PPFIA2: variants seen among roughly 807,000 people sequenced by gnomAD.
The protein encoded by PPFIA2 is PPFI scaffold protein A2, also known as liprin-alpha-2.
In PPFIA2, 46 loss-of-function variants were observed where a neutral mutation model predicts 175.5. The observed-to-expected ratio is 0.26, with a 90% CI of 0.21 to 0.34. The LOEUF (loss-of-function observed/expected upper bound fraction) is 0.34. PPFIA2 is among the 10% of genes least tolerant of loss of function. PPFIA2 has a pLI of 1.00. For missense variants in PPFIA2, 1,179 were observed against 1,506.1 expected (o/e 0.78, Z 3.60); for synonymous variants, 568 against 511.4 (o/e 1.11, Z -1.49).
intron 4 of PPFIA2, among the ~76,000 whole-genome samples, chr12:81,600,412 G>A (rs913653262): frequency 3.3e-5 from 5 of 151,780 alleles, no homozygotes; most frequent in African/African-American, 4.8e-5. Context: ...AGCACTCAAT[G>A]ATTATTTTTT....
chr12:81,742,904 C>T lies in PPFIA2; in HGVS notation c.249+11069G>A, dbSNP rs187972777. Among the ~76,000 whole-genome samples, 309 of 152,188 alleles carry T rather than the reference C, an allele frequency of 2.0e-3. 2 individuals carry two copies. The highest frequency in any genetic ancestry group is 7.0e-3 in the African/African-American group (289 of 41,526). On this transcript the variant is annotated intron_variant, in intron 3 of 32. Coordinates refer to ENST00000549396, the MANE Select transcript of PPFIA2 (RefSeq NM_003625.5). ...AAGGGGGATCCACTGTCTAAAGTTG[C>T]TGATAAAGTAAGCATGAATAAAGAC...
chr12:81,649,968 C>T (rs532048194), intron 4 of PPFIA2, among the ~76,000 whole-genome samples: 2 of 152,028 alleles, frequency 1.3e-5, no homozygotes, highest in South Asian at 2.1e-4. Context: ...GATTAAAGAA[C>T]TACATACATT....
At position 81,563,634 on chromosome 12, in the gene PPFIA2, A is replaced by G. The variant is rs1444653313; in HGVS notation, c.304-105768T>C. 2.0e-5 allele frequency among the ~76,000 whole-genome samples: 3 copies of G among 152,228 alleles called. No homozygotes were observed. The East Asian group carries it at 5.8e-4, about 29-fold the overall frequency. On this transcript the variant is annotated intron_variant, in intron 4 of 32. Transcript: ENST00000549396. ...GCATGGAGGTCTGTTGAGAAAACAGACTACAGCTCACCAGAAGAAATCAAC... is the reference window on the plus strand; with the variant it reads ...GCATGGAGGTCTGTTGAGAAAACAGGCTACAGCTCACCAGAAGAAATCAAC...
chr12:81,375,898 A>G lies in PPFIA2; in HGVS notation c.1029T>C (p.Leu343=), dbSNP rs2036249838. 6.2e-7 allele frequency: 1 copy of G among 1,613,374 alleles called. No homozygotes were observed. Among genetic ancestry groups the G allele is most frequent in the African/African-American group, 1.3e-5 (1 of 75,028 alleles). ...KEDMEERITT[L]EKRYLSAQRE... ...TCTGAGCACTGAGGTAACGCTTTTC[A>G]AGGGTTGTAATTCTTTCTTCCATAT... Residue 343 remains leucine (L), a synonymous_variant, in exon 10 of 33, where the codon CTT becomes CTC. Coordinates refer to ENST00000549396, the MANE Select transcript of PPFIA2 (RefSeq NM_003625.5).
At position 81,679,654 on chromosome 12, in the gene PPFIA2, A is replaced by G. The variant is rs2073231399; in HGVS notation, c.250-2810T>C. ...GAATTCATGGCTCTAAATAGTATACAGATGTATATTCTTATCTCTAAATGG... is the reference window on the plus strand; with the variant it reads ...GAATTCATGGCTCTAAATAGTATACGGATGTATATTCTTATCTCTAAATGG... On this transcript the variant is annotated intron_variant, in intron 3 of 32. Transcript: ENST00000549396. Among the ~76,000 whole-genome samples, 4 of 152,104 alleles carry G rather than the reference A, an allele frequency of 2.6e-5. 1 individual carries two copies. The South Asian group carries it at 8.3e-4, about 32-fold the overall frequency.
chr12:81,424,226 A>G (rs1031610522), intron 7 of PPFIA2, among the ~76,000 whole-genome samples: 2 of 152,090 alleles, frequency 1.3e-5, no homozygotes, highest in East Asian at 1.9e-4. Context: ...CACCTATAAA[A>G]TAACTTGGGA....
At chr12:81,624,638 A>G (rs1165687003) in intron 4 of PPFIA2, among the ~76,000 whole-genome samples, 3 of 146,956 alleles carry the variant, frequency 2.0e-5, no homozygotes, top group Non-Finnish European at 4.5e-5. Context: ...TATATATTAT[A>G]TATGTATAAC....
At chr12:81,519,811 T>C (rs1371575789) in intron 4 of PPFIA2, among the ~76,000 whole-genome samples, 2 of 152,220 alleles carry the variant, frequency 1.3e-5, no homozygotes, top group Admixed American at 6.5e-5. Flanking sequence ...CCGTTATCCA[T>C]GGAGGAATAC....
intron 3 of PPFIA2, among the ~76,000 whole-genome samples, chr12:81,716,415 G>T (rs540687855): frequency 6.6e-6 from 1 of 151,128 alleles, no homozygotes; most frequent in East Asian, 1.9e-4. Flanking sequence ...TAAATACTGA[G>T]ATAGTAAAAT....
At chr12:81,276,079 T>C (rs796157912) in intron 28 of PPFIA2, among the ~76,000 whole-genome samples, 19 of 152,302 alleles carry the variant, frequency 1.2e-4, no homozygotes, top group African/African-American at 4.3e-4. Flanking sequence ...CCACAGCACC[T>C]GGCCTTTTTC....
intron 4 of PPFIA2, among the ~76,000 whole-genome samples, chr12:81,547,251 A>G (rs1336521479): frequency 2.0e-5 from 3 of 152,204 alleles, no homozygotes; most frequent in Non-Finnish European, 4.4e-5. Flanking sequence ...TTAATTATAC[A>G]TTTTACATAA....
chr12:81,298,227 G>A lies in PPFIA2; in HGVS notation c.2724+1074C>T, dbSNP rs556601482. The A allele has an allele frequency of 6.4e-4, 97 of 152,180 alleles. 1 individual carries two copies. The highest frequency in any genetic ancestry group is 2.2e-3 in the African/African-American group (93 of 41,528). The allele number at this position is 152,180 out of a possible 1,614,324, so 9.4% of individuals were successfully genotyped here. A position where few individuals can be genotyped will look rare whatever the true frequency, so the allele number is the denominator to read the frequency against. ...TTAAATATAGTAATTTTAAAGACACGGTTGAAAGAAGCAGCTGATCGCTAA... is the reference window on the plus strand; with the variant it reads ...TTAAATATAGTAATTTTAAAGACACAGTTGAAAGAAGCAGCTGATCGCTAA... On this transcript the variant is annotated intron_variant, in intron 23 of 32. Transcript: ENST00000549396.
chr12:81,376,504 C>T (rs953767192), intron 9 of PPFIA2, among the ~76,000 whole-genome samples: 13 of 151,818 alleles, frequency 8.6e-5, no homozygotes, highest in African/African-American at 3.1e-4. Context: ...ATATATGTTT[C>T]AATTACATAA....
intron 4 of PPFIA2, among the ~76,000 whole-genome samples, chr12:81,584,717 G>A (rs1394526498): frequency 1.4e-5 from 2 of 146,506 alleles, no homozygotes; most frequent in African/African-American, 5.0e-5. Flanking sequence ...GGTAGTAATT[G>A]TATATCTAAA....
intron 21 of PPFIA2, among the ~76,000 whole-genome samples, chr12:81,338,211 G>T (rs992485087): frequency 1.4e-4 from 22 of 152,222 alleles, no homozygotes; most frequent in African/African-American, 5.3e-4. Flanking sequence ...CTCTATTTGA[G>T]AAACCAAAGG....
intron 24 of PPFIA2, among the ~76,000 whole-genome samples, chr12:81,289,154 A>T (rs2044246255): frequency 6.6e-6 from 1 of 151,822 alleles, no homozygotes; most frequent in Non-Finnish European, 1.5e-5. Flanking sequence ...GGGCTATTAC[A>T]TGTAAAGCGC....
chr12:81,605,650 G>GCTAT (rs10595723), intron 4 of PPFIA2, among the ~76,000 whole-genome samples: 16,902 of 143,816 alleles, frequency 0.12, 974 homozygotes, highest in East Asian at 0.19. Context: ...CATCCATCCA[G>GCTAT]CTATCTATCT....
chr12:81,325,750 A>C (rs745589660), intron 22 of PPFIA2, 27 bp downstream of exon 22: 1 of 1,520,528 alleles, frequency 6.6e-7, no homozygotes, highest in Admixed American at 1.7e-5. Context: ...AAAAGTTAGA[A>C]AAAGAGGGAA....
chr12:81,549,918 A>C (rs1454679798), intron 4 of PPFIA2, among the ~76,000 whole-genome samples: 1 of 151,830 alleles, frequency 6.6e-6, no homozygotes, highest in Non-Finnish European at 1.5e-5. Flanking sequence ...CCCTCGCTTG[A>C]CTAAACCATC....
Sources: allele counts gnomAD v4.1 joint callset (sites outside exome capture counted in the v4.1 genomes callset), GRCh38; gene constraint gnomAD v4.1.1; transcripts MANE v1.5; gene names NCBI Gene and HGNC (gene_info 2026-07-23, HGNC 2026-07-21).